Variants in RRBP1 observed in about 807,000 individuals in gnomAD.
RRBP1 encodes ribosome binding protein 1, also known as ribosome-binding protein 1.
In RRBP1, 94 loss-of-function variants were observed where a neutral mutation model predicts 165.2. That is an observed-to-expected ratio of 0.57 (90% CI 0.48 to 0.68). RRBP1 has a LOEUF of 0.68. Ranked by LOEUF, RRBP1 falls within the 30% of genes least tolerant of loss-of-function variation. RRBP1 has a pLI of 0.00. For missense variants in RRBP1, 1,676 were observed against 1,763.0 expected, an observed-to-expected ratio of 0.95 and a Z score of 0.88; for synonymous variants, 680 against 714.5, an observed-to-expected ratio of 0.95 and a Z score of 0.77.
intron 9 of RRBP1, among the ~76,000 whole-genome samples, chr20:17,628,769 C>T (rs972584099): frequency 6.6e-6 from 1 of 152,268 alleles, no homozygotes; most frequent in Non-Finnish European, 1.5e-5. Context: ...CAGGACCACG[C>T]AATCTAAAGC....
chr20:17,681,635 G>GCCGCC (rs1036837286), intron 1 of RRBP1, among the ~76,000 whole-genome samples: 28 of 147,322 alleles, frequency 1.9e-4, no homozygotes, highest in South Asian at 1.7e-3. Context: ...CCAGCTGTGC[G>GCCGCC]CCGCCCCGCC....
intron 13 of RRBP1, among the ~76,000 whole-genome samples, chr20:17,624,012 A>G (rs1600729828): frequency 6.6e-6 from 1 of 152,172 alleles, no homozygotes; most frequent in Non-Finnish European, 1.5e-5. Flanking sequence ...CGACAAAAGG[A>G]CACACAACAG....
At chr20:17,677,979 G>A (rs912675906) in intron 2 of RRBP1, among the ~76,000 whole-genome samples, 3 of 152,226 alleles carry the variant, frequency 2.0e-5, no homozygotes, top group African/African-American at 4.8e-5. Context: ...AAAAGGTTTC[G>A]GGACTGGGCA....
intron 2 of RRBP1, among the ~76,000 whole-genome samples, chr20:17,662,257 C>T (rs557779257): frequency 5.3e-5 from 8 of 150,150 alleles, no homozygotes; most frequent in Non-Finnish European, 8.9e-5. Context: ...AGCGAGACTC[C>T]GTCTCAAAAA....
Position 17,620,758 on chromosome 20 carries a change from A to ACCTGCT in RRBP1, c.3458_3463dup (p.Glu1153_Gln1154dup). 1.9e-6 allele frequency: 3 copies of ACCTGCT among 1,608,662 alleles called. No individual in the cohort carries two copies. Among genetic ancestry groups the ACCTGCT allele is most frequent in the Non-Finnish European group, 2.5e-6 (3 of 1,179,904 alleles). On this transcript the variant is annotated inframe_insertion, in exon 17 of 25. Coordinates refer to ENST00000377813, the MANE Select transcript of RRBP1 (RefSeq NM_001365613.2). ...TGCGGCGCCCACCTTGGCCCTCCAC[A>ACCTGCT]CCTGCTCCTCCTCCTCCACGCTCTT...
chr20:17,627,949 G>A (rs2036063551), intron 9 of RRBP1, among the ~76,000 whole-genome samples: 1 of 152,208 alleles, frequency 6.6e-6, no homozygotes, highest in Non-Finnish European at 1.5e-5. Flanking sequence ...ATGATAGAGA[G>A]TGGAAACGGA....
At chr20:17,641,539 C>T (rs1180665875) in intron 5 of RRBP1, 1 of 555,832 alleles carries the variant, frequency 1.8e-6, no homozygotes, top group Admixed American at 3.2e-5. Context: ...CTTCCAAACC[C>T]TTGCTTCACT....
rs761690620 is a variant in RRBP1, at chr20:17,618,572, C to A, written c.3759+24G>T. On this transcript the variant is annotated intron_variant, in intron 20 of 24. Transcript: ENST00000377813. ...GCAACGCCCCAGGTCACACTCCTGG[C>A]ATGGGGACATGGAGGCCACCTACCA... 8 of 1,590,126 alleles carry A rather than the reference C, an allele frequency of 5.0e-6. No homozygotes were observed. In the African/African-American group the frequency reaches 1.1e-4, roughly 21 times the overall value.
intron 3 of RRBP1, among the ~76,000 whole-genome samples, chr20:17,658,209 A>G (rs1276490704): frequency 6.6e-6 from 1 of 152,182 alleles, no homozygotes; most frequent in East Asian, 1.9e-4. Flanking sequence ...GCTCAGACAC[A>G]TCACTTGATC....
rs181571094 is a variant in RRBP1, at chr20:17,649,811, G to C, written c.1913-6684C>G. Among the ~76,000 whole-genome samples, 3 of 152,192 alleles carry C rather than the reference G, an allele frequency of 2.0e-5. No individual in the cohort carries two copies. In the East Asian group the frequency reaches 5.8e-4, roughly 29 times the overall value. On this transcript the variant is annotated intron_variant, in intron 3 of 24. Coordinates refer to ENST00000377813, the MANE Select transcript of RRBP1 (RefSeq NM_001365613.2). ...TGTAGGGGTAGAATGGGGGCTCAGC[G>C]AGACTGCACACGACACAGAGCTCAC...
intron 2 of RRBP1, among the ~76,000 whole-genome samples, chr20:17,663,975 A>G (rs2036818790): frequency 6.6e-6 from 1 of 152,184 alleles, no homozygotes; most frequent in Non-Finnish European, 1.5e-5. Flanking sequence ...AAACTTCCCA[A>G]CACCCCCAGT....
chr20:17,647,785 C>T (rs1011683228), intron 3 of RRBP1, among the ~76,000 whole-genome samples: 2 of 152,208 alleles, frequency 1.3e-5, no homozygotes, highest in African/African-American at 4.8e-5. Context: ...CTGAGGGTGC[C>T]TCCCTCAGAC....
At chr20:17,640,111 C>A (rs760689011) in intron 5 of RRBP1, among the ~76,000 whole-genome samples, 5 of 152,150 alleles carry the variant, frequency 3.3e-5, no homozygotes, top group African/African-American at 4.8e-5. Context: ...TGATCACTGG[C>A]GGCCTGCTAG....
chr20:17,665,995 T>C (rs987183802), intron 2 of RRBP1, among the ~76,000 whole-genome samples: 2 of 152,204 alleles, frequency 1.3e-5, no homozygotes, highest in African/African-American at 2.4e-5. Context: ...TGCCATTCAG[T>C]GGATCTGTTT....
chr20:17,661,531 T>C (rs914993913), intron 2 of RRBP1, among the ~76,000 whole-genome samples: 1 of 152,198 alleles, frequency 6.6e-6, no homozygotes, highest in African/African-American at 2.4e-5. Context: ...TCCAGGTTCA[T>C]ACACCTTCCT....
At chr20:17,677,018 G>C (rs1395681027) in intron 2 of RRBP1, among the ~76,000 whole-genome samples, 1 of 151,476 alleles carries the variant, frequency 6.6e-6, no homozygotes, top group Non-Finnish European at 1.5e-5. Flanking sequence ...AAAGTGCTGG[G>C]ATTACAGGGA....
In RRBP1 at chr20:17,630,145, C is replaced by A. The variant is rs559523378; in HGVS notation, c.2611-184G>T. On this transcript the variant is annotated intron_variant, in intron 8 of 24. Coordinates refer to ENST00000377813, the MANE Select transcript of RRBP1 (RefSeq NM_001365613.2). ...GCACAGGCTTCACTTCGGCCAGAACCCTTTCATGGGGAGAAGGCAGCTGCC... is the reference window on the plus strand; with the variant it reads ...GCACAGGCTTCACTTCGGCCAGAACACTTTCATGGGGAGAAGGCAGCTGCC... Among the ~76,000 whole-genome samples the A allele has an allele frequency of 8.5e-5, 13 of 152,356 alleles. No individual in the cohort carries two copies. In the East Asian group the frequency reaches 2.5e-3, roughly 29 times the overall value.
At position 17,614,220 on chromosome 20, in the gene RRBP1, C is replaced by G. The variant is rs2035746150; in HGVS notation, c.4195G>C (p.Glu1399Gln). The change falls in exon 25 of 25, where the codon GAG becomes CAG. Residue 1399 changes from glutamate (E) to glutamine (Q), a missense_variant and splice_region_variant. By Grantham distance (29) the Glu-to-Gln change is conservative. Coordinates refer to ENST00000377813, the MANE Select transcript of RRBP1 (RefSeq NM_001365613.2). The part of the protein sequence containing the change: ...KKLQEQLEKA[E>Q]DGSSSKEGTS... ...CCCTCCTTTGAGCTGCTGCCGTCCT[C>G]CTGTGAACGAAGGCAGGTGGCGTGA... 6.2e-7 allele frequency: 1 copy of G among 1,613,408 alleles called. No individual in the cohort carries two copies. Among genetic ancestry groups the G allele is most frequent in the Non-Finnish European group, 8.5e-7 (1 of 1,179,966 alleles).
intron 3 of RRBP1, among the ~76,000 whole-genome samples, chr20:17,650,458 A>G (rs945621646): frequency 1.3e-5 from 2 of 152,180 alleles, no homozygotes; most frequent in African/African-American, 4.8e-5. Context: ...CACAGCCAAG[A>G]CAGAAGTGCC....
Sources: gnomAD v4.1 joint callset for allele counts (sites outside exome capture counted in the v4.1 genomes callset) on GRCh38, gnomAD v4.1.1 for gene constraint, MANE v1.5 for transcripts, NCBI Gene and HGNC (gene_info 2026-07-23, HGNC 2026-07-21) for gene names.